The following ARMC9 variants were observed in gnomAD, a reference collection of about 807,000 sequenced individuals.
ARMC9 encodes lisH domain-containing protein ARMC9.
Under a neutral mutation model 107.0 loss-of-function variants are expected in ARMC9, and 94 were observed. The ratio of observed to expected loss-of-function variants is 0.88; its 90% CI spans 0.74 to 1.04. The LOEUF (loss-of-function observed/expected upper bound fraction) is 1.04, where lower values mean the gene tolerates loss of function less well. Ranked by LOEUF, ARMC9 falls within the 50% of genes least tolerant of loss-of-function variation. ARMC9 has a pLI of 0.00. For missense variants in ARMC9, 942 were observed against 1,030.1 expected, an observed-to-expected ratio of 0.91 and a Z score of 1.17; for synonymous variants, 380 against 396.9, an observed-to-expected ratio of 0.96 and a Z score of 0.51.
intron 21 of ARMC9, among the ~76,000 whole-genome samples, chr2:231,352,275 T>A (rs1327757834): frequency 6.6e-6 from 1 of 151,120 alleles, no homozygotes; most frequent in Non-Finnish European, 1.5e-5. Flanking sequence ...CCACTAGTAC[T>A]TTTGGAGCCA....
At chr2:231,331,067 A>G (rs1403914750) in intron 19 of ARMC9, among the ~76,000 whole-genome samples, 1 of 152,156 alleles carries the variant, frequency 6.6e-6, no homozygotes, top group Non-Finnish European at 1.5e-5. Context: ...ACTTGAGCCC[A>G]GGAGGTCAAG....
In ARMC9 at chr2:231,255,213, A is replaced by ACACT. The variant is rs2037663439; in HGVS notation, c.880-1370_880-1369insTCAC. On this transcript the variant is annotated intron_variant, in intron 9 of 24. Coordinates refer to ENST00000611582, the MANE Select transcript of ARMC9 (RefSeq NM_001352754.2). The surrounding 1 kb of genome is among the most constrained non-coding windows in gnomAD (Gnocchi z 4.7). ...CACACACACACACACACACACACAC[A>ACACT]CACACACAAAATAAATGGGACAAGA... Among the ~76,000 whole-genome samples the ACACT allele has an allele frequency of 1.3e-5, 2 of 150,908 alleles. No individual in the cohort carries two copies. Among genetic ancestry groups the ACACT allele is most frequent in the African/African-American group, 4.9e-5 (2 of 41,192 alleles).
chr2:231,354,376 A>ATTT (rs67988812), intron 21 of ARMC9, among the ~76,000 whole-genome samples: 16 of 66,638 alleles, frequency 2.4e-4, no homozygotes, highest in African/African-American at 7.9e-4. Flanking sequence ...AGCCATGTGA[A>ATTT]TTTTTTTTTT....
intron 21 of ARMC9, among the ~76,000 whole-genome samples, chr2:231,354,165 C>G (rs2125589688): frequency 6.6e-6 from 1 of 150,464 alleles, no homozygotes; most frequent in East Asian, 2.0e-4. Context: ...AGTGTGGTGG[C>G]TCACGCCTGT....
chr2:231,198,755 G>A (rs2030159480), intron 1 of ARMC9, 57 bp downstream of exon 1: 1 of 152,332 alleles, frequency 6.6e-6, no homozygotes, highest in South Asian at 2.1e-4. Context: ...CTGGTGCTGG[G>A]AGGAGCAGCG....
At chr2:231,353,228 G>C (rs1178971086) in intron 21 of ARMC9, among the ~76,000 whole-genome samples, 2 of 130,128 alleles carry the variant, frequency 1.5e-5, no homozygotes, top group Non-Finnish European at 3.0e-5. Flanking sequence ...CGCTCTGTCA[G>C]CCAGGCTGGA....
intron 19 of ARMC9, among the ~76,000 whole-genome samples, chr2:231,298,866 G>A (rs11900279): frequency 0.1 from 15,826 of 152,126 alleles, 1,887 homozygotes; most frequent in African/African-American, 0.28. Context: ...CCTGGGAGGC[G>A]GAGGCTGCAG....
chr2:231,262,502 G>A (rs575075824), intron 12 of ARMC9, 104 bp downstream of exon 12: 46 of 1,101,886 alleles, frequency 4.2e-5, no homozygotes, highest in African/African-American at 4.2e-4. Context: ...TTTCAGCTTC[G>A]TAACTGTATG....
At chr2:231,305,695 G>C (rs1054451112) in intron 19 of ARMC9, among the ~76,000 whole-genome samples, 1 of 152,142 alleles carries the variant, frequency 6.6e-6, no homozygotes, top group African/African-American at 2.4e-5. Flanking sequence ...TACCCTGCAA[G>C]GTTCTTTACT....
intron 5 of ARMC9, among the ~76,000 whole-genome samples, chr2:231,221,846 A>G (rs1484378219): frequency 1.3e-5 from 2 of 150,834 alleles, no homozygotes. Context: ...AAAAAAAAAA[A>G]AAGAACTTTC....
At chr2:231,225,196 G>A (rs2034524299) in intron 6 of ARMC9, among the ~76,000 whole-genome samples, 1 of 152,162 alleles carries the variant, frequency 6.6e-6, no homozygotes, top group African/African-American at 2.4e-5. Context: ...GTATGTGTGT[G>A]TATATTTCTA....
chr2:231,338,129 G>A (rs180842006), intron 20 of ARMC9, among the ~76,000 whole-genome samples: 13 of 152,316 alleles, frequency 8.5e-5, no homozygotes, highest in African/African-American at 2.6e-4. Context: ...GGGCTTGGGA[G>A]GCGTCCTCTA....
intron 23 of ARMC9, among the ~76,000 whole-genome samples, chr2:231,369,752 C>A (rs1031217536): frequency 6.6e-6 from 1 of 152,022 alleles, no homozygotes; most frequent in Non-Finnish European, 1.5e-5. Context: ...CGCCACCGCG[C>A]CCGGCTAATT....
intron 21 of ARMC9, 107 bp from the exon 22 acceptor site, chr2:231,355,691 C>G (rs2045312117): frequency 4.5e-6 from 6 of 1,334,210 alleles, no homozygotes; most frequent in South Asian, 3.0e-5. Flanking sequence ...TTTAACAAGA[C>G]TTTGAGGCAC....
intron 20 of ARMC9, among the ~76,000 whole-genome samples, chr2:231,340,661 T>TGA (rs1225558152): frequency 2.6e-5 from 4 of 151,268 alleles, no homozygotes; most frequent in African/African-American, 9.7e-5. Context: ...CTGAGGCAAG[T>TGA]GGATCACCTG....
At chr2:231,257,232 CAG>C (rs1208450667) in intron 10 of ARMC9, among the ~76,000 whole-genome samples, 3 of 152,260 alleles carry the variant, frequency 2.0e-5, no homozygotes, top group East Asian at 3.8e-4. Context: ...GTGCAATCCA[CAG>C]AGTGTTGCAC....
intron 9 of ARMC9, among the ~76,000 whole-genome samples, chr2:231,254,961 C>G (rs1159918507): frequency 6.6e-6 from 1 of 152,172 alleles, no homozygotes; most frequent in Non-Finnish European, 1.5e-5. Flanking sequence ...CTTTAATATA[C>G]AAGCACATAG....
chr2:231,279,085 C>T (rs1363824550), intron 16 of ARMC9, among the ~76,000 whole-genome samples: 1 of 152,168 alleles, frequency 6.6e-6, no homozygotes, highest in Non-Finnish European at 1.5e-5. Context: ...GGAGCCTGTG[C>T]CAGAGCTTCC....
At chr2:231,220,596 C>CA (rs71396668) in intron 5 of ARMC9, among the ~76,000 whole-genome samples, 7,440 of 63,820 alleles carry the variant, frequency 0.12, 347 homozygotes, top group Non-Finnish European at 0.15. Context: ...GACTCCATCT[C>CA]AAAAAAAAAA....
Sources: allele counts gnomAD v4.1 joint callset (sites outside exome capture counted in the v4.1 genomes callset), GRCh38; gene constraint gnomAD v4.1.1; non-coding constraint Gnocchi (gnomAD v3.1); transcripts MANE v1.5; gene names NCBI Gene and HGNC (gene_info 2026-07-23, HGNC 2026-07-21).